ISM1: variants seen among roughly 807,000 people sequenced by gnomAD.
ISM1 encodes the protein isthmin-1.
In ISM1, 25 loss-of-function variants were observed where a neutral mutation model predicts 46.3. The observed-to-expected ratio is 0.54, with a 90% CI of 0.39 to 0.75. The LOEUF (loss-of-function observed/expected upper bound fraction) is 0.75. Ranked by LOEUF, ISM1 falls within the 30% of genes least tolerant of loss-of-function variation. The pLI is 0.00. For missense variants in ISM1, 536 were observed against 625.4 expected (o/e 0.86, Z 1.52); for synonymous variants, 255 against 256.7 (o/e 0.99, Z 0.06).
At chr20:13,308,172 C>T in the ISM1 span, among the ~76,000 whole-genome samples, 4 of 152,166 alleles carry the variant, frequency 2.6e-5, no homozygotes, top group Non-Finnish European at 4.4e-5. Flanking sequence ...CACTGTGCTG[C>T]GTGCTGGGGA....
intron 1 of ISM1, among the ~76,000 whole-genome samples, chr20:13,261,488 C>A (rs2039989331): frequency 6.6e-6 from 1 of 151,578 alleles, no homozygotes; most frequent in African/African-American, 2.4e-5. Flanking sequence ...AGGCGTGGAT[C>A]TTTAGAGAAA....
chr20:13,320,617 G>A, the ISM1 span, among the ~76,000 whole-genome samples: 1 of 152,154 alleles, frequency 6.6e-6, no homozygotes, highest in Non-Finnish European at 1.5e-5. Flanking sequence ...CTCAAATAAG[G>A]TAGAAGCTTA....
intron 5 of ISM1, among the ~76,000 whole-genome samples, chr20:13,295,889 A>G (rs2040402228): frequency 6.6e-6 from 1 of 152,222 alleles, no homozygotes; most frequent in Admixed American, 6.5e-5. Context: ...GCTGGTCAGC[A>G]AAGCATCCAC....
In ISM1 at chr20:13,221,423, G is replaced by C. The variant is rs1485810672; in HGVS notation, c.-354G>C. Among the ~76,000 whole-genome samples the C allele has an allele frequency of 6.8e-6, 1 of 146,574 alleles. No homozygotes were observed. Among genetic ancestry groups the C allele is most frequent in the Non-Finnish European group, 1.5e-5 (1 of 65,676 alleles). On this transcript the variant is annotated 5_prime_UTR_variant, in exon 1 of 6. Transcript: ENST00000262487. ...GCCCCCTGCCAGCAGGGTGGCCTCCGGCCCGGCCCGGGTCCCGGGCTGTCC... is the reference window on the plus strand; with the variant it reads ...GCCCCCTGCCAGCAGGGTGGCCTCCCGCCCGGCCCGGGTCCCGGGCTGTCC...
In ISM1 at chr20:13,299,701, A is replaced by G; in HGVS notation, c.*242A>G. 1 of 426,640 alleles carries G rather than the reference A, an allele frequency of 2.3e-6. No homozygotes were observed. The highest frequency in any genetic ancestry group is 4.2e-6 in the Non-Finnish European group (1 of 239,418). The allele number at this position is 426,640 out of a possible 1,614,324, so 26.4% of individuals were successfully genotyped here. On this transcript the variant is annotated 3_prime_UTR_variant, in exon 6 of 6. Transcript: ENST00000262487. The surrounding 1 kb of genome is among the most constrained non-coding windows in gnomAD (Gnocchi z 5.8). ...GCCCCTGGGGAGCGATGTGGGCAGA[A>G]GGATGGGGACAACTTGGAAGCCAGA...
chr20:13,290,913 G>A lies in ISM1; in HGVS notation c.788-1461G>A, dbSNP rs571597091. On this transcript the variant is annotated intron_variant, in intron 4 of 5. Coordinates refer to ENST00000262487, the MANE Select transcript of ISM1 (RefSeq NM_080826.2). Reference sequence around the variant, plus strand: ...ACACAGAAAGCAAGTGATCAACCTGGAATTTGAATCCGGACAGTCTGATTA... The same window carrying A: ...ACACAGAAAGCAAGTGATCAACCTGAAATTTGAATCCGGACAGTCTGATTA... Among the ~76,000 whole-genome samples, 37 of 152,316 alleles carry A rather than the reference G, an allele frequency of 2.4e-4. 1 individual carries two copies. The highest frequency in any genetic ancestry group is 8.4e-4 in the African/African-American group (35 of 41,566).
At chr20:13,284,452 T>A (rs2123295463) in intron 3 of ISM1, among the ~76,000 whole-genome samples, 1 of 152,364 alleles carries the variant, frequency 6.6e-6, no homozygotes, top group South Asian at 2.1e-4. Flanking sequence ...TGTTTTTTCC[T>A]GCCGTTGTCA....
At position 13,270,673 on chromosome 20, in the gene ISM1, T is replaced by G. The variant is rs777829422; in HGVS notation, c.308T>G (p.Phe103Cys). 2 of 1,613,798 alleles carry G rather than the reference T, an allele frequency of 1.2e-6. No individual in the cohort carries two copies. Among genetic ancestry groups the G allele is most frequent in the Non-Finnish European group, 8.5e-7 (1 of 1,179,840 alleles). The change falls in exon 2 of 6, where the codon TTT (phenylalanine) becomes TGT (cysteine). Residue 103 changes from phenylalanine to cysteine, a missense_variant. Physicochemically the swap from Phe to Cys is radical, Grantham distance 205. Coordinates refer to ENST00000262487, the MANE Select transcript of ISM1 (RefSeq NM_080826.2). The stretch of plus-strand genomic sequence containing the variant: ...TTGCAAAGAGATTTCCCCAGATCCT[T>G]TCTCCTTGATCTACCAAACTTTCCA... ...PSLQRDFPRS[F>C]LLDLPNFPDL...
At chr20:13,264,671 C>T (rs1173903134) in intron 1 of ISM1, among the ~76,000 whole-genome samples, 2 of 152,170 alleles carry the variant, frequency 1.3e-5, no homozygotes, top group East Asian at 1.9e-4. Flanking sequence ...AACACAGCCA[C>T]GATGAGCAAC....
chr20:13,293,659 A>C (rs1290284769), intron 5 of ISM1, among the ~76,000 whole-genome samples: 1 of 152,190 alleles, frequency 6.6e-6, no homozygotes, highest in African/African-American at 2.4e-5. Context: ...CTGGAGGAAA[A>C]TAATGGTCCA....
chr20:13,318,702 T>C, the ISM1 span, among the ~76,000 whole-genome samples: 2 of 152,138 alleles, frequency 1.3e-5, no homozygotes, highest in South Asian at 4.1e-4. Flanking sequence ...TCAGTGCTAA[T>C]AAGAAATGAG....
chr20:13,265,935 C>T (rs554416183), intron 1 of ISM1, among the ~76,000 whole-genome samples: 3 of 152,304 alleles, frequency 2.0e-5, no homozygotes, highest in Non-Finnish European at 2.9e-5. Flanking sequence ...GTCAGCCACG[C>T]TTAGACTACA....
chr20:13,253,961 T>C (rs1022498320), intron 1 of ISM1, among the ~76,000 whole-genome samples: 1 of 150,620 alleles, frequency 6.6e-6, no homozygotes, highest in African/African-American at 2.4e-5. Context: ...CTCATGCCTA[T>C]AATCCCAGCA....
intron 5 of ISM1, 148 bp downstream of exon 5, chr20:13,292,611 A>AG: frequency 1.6e-6 from 1 of 631,282 alleles, no homozygotes; most frequent in Non-Finnish European, 2.8e-6. Flanking sequence ...TGCTTGCTGA[A>AG]TATACTTCAA....
chr20:13,244,386 G>GAAA (rs1491455215), intron 1 of ISM1: 1 of 86,168 alleles, frequency 1.2e-5, no homozygotes, highest in Non-Finnish European at 2.4e-5. Context: ...GATGTCCTAT[G>GAAA]CAAAAAAAAA....
intron 1 of ISM1, among the ~76,000 whole-genome samples, chr20:13,247,115 C>T (rs963720475): frequency 1.1e-4 from 16 of 152,118 alleles, no homozygotes; most frequent in African/African-American, 1.2e-4. Flanking sequence ...CTTGTAATCC[C>T]AGCTACTTGG....
chr20:13,229,174 T>C (rs552940511), intron 1 of ISM1, among the ~76,000 whole-genome samples: 1 of 152,116 alleles, frequency 6.6e-6, no homozygotes, highest in Non-Finnish European at 1.5e-5. Flanking sequence ...TAAAGTTTTT[T>C]AAAACTACAT....
the ISM1 span, among the ~76,000 whole-genome samples, chr20:13,311,247 A>AGATAGATAGATGATAGATAGAT: frequency 1.2e-4 from 14 of 116,222 alleles, no homozygotes; most frequent in African/African-American, 4.6e-4. Context: ...GATAGATGAT[A>AGATAGATAGATGATAGATAGAT]GATAGATAGA....
At chr20:13,228,774 T>C (rs2039557107) in intron 1 of ISM1, among the ~76,000 whole-genome samples, 2 of 152,214 alleles carry the variant, frequency 1.3e-5, no homozygotes, top group Admixed American at 6.5e-5. Context: ...CTGTTAGAGA[T>C]TGAAACTAAC....
Sources: gnomAD v4.1 joint callset for allele counts (sites outside exome capture counted in the v4.1 genomes callset) on GRCh38, gnomAD v4.1.1 for gene constraint, Gnocchi (gnomAD v3.1) non-coding constraint, MANE v1.5 for transcripts, NCBI Gene and HGNC (gene_info 2026-07-23, HGNC 2026-07-21) for gene names.